Variants in PKNOX2 observed in about 807,000 individuals in gnomAD.
The protein encoded by PKNOX2 is PBX/knotted 1 homeobox 2.
A neutral mutation model predicts 53.1 loss-of-function variants in PKNOX2; 14 were observed. That is an observed-to-expected ratio of 0.26 (90% CI 0.17 to 0.41). The LOEUF is 0.41. PKNOX2 is among the 10% of genes least tolerant of loss of function. PKNOX2 has a pLI of 1.00. For synonymous variants in PKNOX2, 257 were observed against 242.8 expected (o/e 1.06, Z -0.54); for missense variants, 496 against 602.8 (o/e 0.82, Z 1.85).
chr11:125,352,494 T>G lies in PKNOX2; in HGVS notation c.87+1102T>G, dbSNP rs892823004. On this transcript the variant is annotated intron_variant, in intron 4 of 12. Coordinates refer to ENST00000298282, the MANE Select transcript of PKNOX2 (RefSeq NM_001382323.2). This position sits in a 1 kb window ranked among gnomAD's most constrained non-coding sequence, Gnocchi z 4.1. ...GTTCTCATGGGCCACACGGAAGATT[T>G]GTGCAGCATGAAAGGGGTCTTAAGA... Among the ~76,000 whole-genome samples, 6 of 152,172 alleles carry G rather than the reference T, an allele frequency of 3.9e-5. No individual in the cohort carries two copies. Among genetic ancestry groups the G allele is most frequent in the Non-Finnish European group, 5.9e-5 (4 of 68,024 alleles).
intron 6 of PKNOX2, among the ~76,000 whole-genome samples, chr11:125,392,050 C>A (rs1032163782): frequency 1.3e-5 from 2 of 151,974 alleles, no homozygotes; most frequent in African/African-American, 4.8e-5. Context: ...CAAAAAAGAC[C>A]CTTGGAGTTA....
intron 1 of PKNOX2, among the ~76,000 whole-genome samples, chr11:125,189,447 G>GTGTATATA (rs1256963392): frequency 1.7e-4 from 4 of 23,464 alleles, no homozygotes; most frequent in African/African-American, 6.3e-4. Flanking sequence ...GTGTGTGTGT[G>GTGTATATA]TATATATATA....
At chr11:125,302,028 T>C (rs1042043861) in intron 2 of PKNOX2, among the ~76,000 whole-genome samples, 2 of 152,176 alleles carry the variant, frequency 1.3e-5, no homozygotes, top group Non-Finnish European at 2.9e-5. Flanking sequence ...CTTGTCTGAC[T>C]GGGGCTAAGA....
At chr11:125,273,099 C>G (rs1056658342) in intron 2 of PKNOX2, among the ~76,000 whole-genome samples, 8 of 152,188 alleles carry the variant, frequency 5.3e-5, no homozygotes, top group Non-Finnish European at 1.0e-4. Flanking sequence ...TTGTCAGGCC[C>G]GGAGAGACTG....
At chr11:125,258,700 C>G (rs1944598479) in intron 2 of PKNOX2, 1 of 194,008 alleles carries the variant, frequency 5.2e-6, no homozygotes, top group African/African-American at 2.4e-5. Flanking sequence ...GAGGGAGCTG[C>G]AGAGGAAATG....
intron 10 of PKNOX2, among the ~76,000 whole-genome samples, chr11:125,412,853 G>A (rs1407807611): frequency 6.6e-6 from 1 of 152,176 alleles, no homozygotes; most frequent in Non-Finnish European, 1.5e-5. Flanking sequence ...AATGGGCCAT[G>A]GAAACTAATT....
chr11:125,366,732 A>G (rs1466349447), intron 4 of PKNOX2, among the ~76,000 whole-genome samples: 2 of 152,274 alleles, frequency 1.3e-5, no homozygotes, highest in African/African-American at 2.4e-5. Context: ...ATTCACAGAC[A>G]TATAACACTT....
intron 7 of PKNOX2, among the ~76,000 whole-genome samples, chr11:125,409,532 C>T (rs531797716): frequency 1.3e-5 from 2 of 152,172 alleles, no homozygotes; most frequent in East Asian, 3.9e-4. Flanking sequence ...GGGCGGCTTT[C>T]ATTTGCTTAT....
chr11:125,255,788 G>A (rs1371056076), intron 2 of PKNOX2, among the ~76,000 whole-genome samples: 1 of 151,992 alleles, frequency 6.6e-6, no homozygotes, highest in African/African-American at 2.4e-5. Flanking sequence ...GGGTTCTGGA[G>A]AGACTCTGCC....
At chr11:125,324,382 A>G (rs1320559164) in intron 2 of PKNOX2, among the ~76,000 whole-genome samples, 1 of 152,176 alleles carries the variant, frequency 6.6e-6, no homozygotes, top group Non-Finnish European at 1.5e-5. Context: ...GTGGTGTGTT[A>G]TACACTCCAC....
chr11:125,198,346 G>A (rs1263188769), intron 1 of PKNOX2, among the ~76,000 whole-genome samples: 2 of 152,210 alleles, frequency 1.3e-5, no homozygotes, highest in Admixed American at 6.5e-5. Flanking sequence ...GAAGGCGAAG[G>A]TGGGGGTAGA....
intron 4 of PKNOX2, among the ~76,000 whole-genome samples, 194 bp from the exon 5 acceptor site, chr11:125,367,652 C>T (rs565443944): frequency 2.0e-5 from 3 of 152,204 alleles, no homozygotes; most frequent in Non-Finnish European, 2.9e-5. Context: ...CTAGAACATG[C>T]TCATTTGAAG....
chr11:125,333,549 TACACACACACACACACACAC>T (rs57352759), intron 3 of PKNOX2, among the ~76,000 whole-genome samples: 1 of 142,248 alleles, frequency 7.0e-6, no homozygotes, highest in Non-Finnish European at 1.6e-5. Flanking sequence ...CACACACACA[TACACACACACACACACACAC>T]ACACACACAC....
intron 2 of PKNOX2, among the ~76,000 whole-genome samples, chr11:125,304,379 G>A (rs538247840): frequency 7.4e-4 from 113 of 152,364 alleles, no homozygotes; most frequent in African/African-American, 2.5e-3. Flanking sequence ...AGAACAATTA[G>A]CATGCAGTTT....
At chr11:125,198,616 C>T (rs898630584) in intron 1 of PKNOX2, among the ~76,000 whole-genome samples, 1 of 152,166 alleles carries the variant, frequency 6.6e-6, no homozygotes, top group Non-Finnish European at 1.5e-5. Context: ...CTTACGTACA[C>T]TTCCTCGAGT....
At chr11:125,347,617 G>A (rs1951049647) in intron 3 of PKNOX2, among the ~76,000 whole-genome samples, 1 of 152,118 alleles carries the variant, frequency 6.6e-6, no homozygotes. Flanking sequence ...TCCTAAAGGG[G>A]TGTGCTTTTA....
At chr11:125,411,543 C>T (rs985757799) in intron 9 of PKNOX2, 1 of 512,868 alleles carries the variant, frequency 1.9e-6, no homozygotes, top group Non-Finnish European at 3.6e-6. Context: ...CCTTGTCCTT[C>T]TTCCCTTCTC....
intron 2 of PKNOX2, among the ~76,000 whole-genome samples, chr11:125,289,599 C>T (rs1156904345): frequency 6.6e-6 from 1 of 152,098 alleles, no homozygotes; most frequent in Non-Finnish European, 1.5e-5. Context: ...AGGCTCTGGG[C>T]CAGATTTGAC....
Position 125,335,244 on chromosome 11 carries a change from C to T in PKNOX2, c.-23+3319C>T, listed in dbSNP as rs113083750. 5.7e-3 allele frequency among the ~76,000 whole-genome samples: 866 copies of T among 152,330 alleles called. 12 individuals carry two copies. Among genetic ancestry groups the T allele is most frequent in the African/African-American group, 0.019 (808 of 41,580 alleles). ...CCCTCTGAACTCCCTGTAGGATTCT[C>T]TCTCTGCAGGCCATGGTTTCAGGCT... On this transcript the variant is annotated intron_variant, in intron 3 of 12. Transcript: ENST00000298282.
Sources: gnomAD v4.1 joint callset for allele counts (sites outside exome capture counted in the v4.1 genomes callset) on GRCh38, gnomAD v4.1.1 for gene constraint, Gnocchi (gnomAD v3.1) non-coding constraint, MANE v1.5 for transcripts, NCBI Gene and HGNC (gene_info 2026-07-23, HGNC 2026-07-21) for gene names.